Variants in NRTN observed in about 807,000 individuals in gnomAD.
The protein encoded by NRTN is neurturin.
NRTN carries 3 observed loss-of-function variants against 7.5 expected under a neutral mutation model. That is an observed-to-expected ratio of 0.40 (90% confidence interval 0.18 to 1.03). NRTN has a LOEUF of 1.03. Ranked by LOEUF, NRTN falls within the 50% of genes least tolerant of loss-of-function variation. NRTN has a pLI of 0.34. For missense variants in NRTN, 310 were observed against 307.0 expected (o/e 1.01, Z -0.07); for synonymous variants, 157 against 146.6 (o/e 1.07, Z -0.51).
chr19:5,820,608 A>C (rs1267712733), intron 1 of NRTN, among the ~76,000 whole-genome samples: 1 of 150,052 alleles, frequency 6.7e-6, no homozygotes, highest in Non-Finnish European at 1.5e-5. Context: ...ACATTCGTTT[A>C]ATCCCAGCTA....
chr19:5,826,765 C>T (rs1472892904), intron 2 of NRTN, among the ~76,000 whole-genome samples: 1 of 152,206 alleles, frequency 6.6e-6, no homozygotes, highest in Non-Finnish European at 1.5e-5. Flanking sequence ...GGGGGTGGAG[C>T]CACCGCTTGG....
chr19:5,814,811 G>A (rs1256847882), intron 1 of NRTN, among the ~76,000 whole-genome samples: 1 of 145,752 alleles, frequency 6.9e-6, no homozygotes, highest in East Asian at 1.9e-4. Context: ...AAAAGTGGAG[G>A]TCTGTCCTAG....
intron 1 of NRTN, among the ~76,000 whole-genome samples, chr19:5,818,129 A>C (rs769353420): frequency 6.6e-6 from 1 of 151,768 alleles, no homozygotes; most frequent in Non-Finnish European, 1.5e-5. Context: ...ACACCCGGCT[A>C]ATTTTTGTAT....
intron 1 of NRTN, among the ~76,000 whole-genome samples, chr19:5,822,666 G>A (rs1347410381): frequency 6.6e-6 from 1 of 152,152 alleles, no homozygotes; most frequent in Non-Finnish European, 1.5e-5. Context: ...AGGCAGCCAT[G>A]GAAGGCTCCC....
chr19:5,824,010 T>G lies in NRTN; in HGVS notation c.-156T>G, dbSNP rs886804917. On this transcript the variant is annotated 5_prime_UTR_variant, in exon 2 of 3. Transcript: ENST00000303212. ...GCCAACCCCTTCCTTGTTCAATGGT[T>G]CCTTGAGGGACCATTCCCATGTGAT... 2.0e-6 allele frequency: 2 copies of G among 997,388 alleles called. No individual in the cohort carries two copies. Among genetic ancestry groups the G allele is most frequent in the East Asian group, 5.2e-5 (2 of 38,610 alleles). 61.8% of individuals were successfully genotyped at this position (997,388 alleles called of 1,614,324 possible). A position where few individuals can be genotyped will look rare whatever the true frequency, so the allele number is the denominator to read the frequency against.
intron 1 of NRTN, among the ~76,000 whole-genome samples, chr19:5,820,876 A>ACGAG (rs1324756187): frequency 6.6e-6 from 1 of 151,028 alleles, no homozygotes; most frequent in Non-Finnish European, 1.5e-5. Context: ...GAGGCCCTGC[A>ACGAG]CGAGCTGCTT....
intron 1 of NRTN, among the ~76,000 whole-genome samples, chr19:5,816,612 C>T (rs2057005904): frequency 6.6e-6 from 1 of 152,008 alleles, no homozygotes; most frequent in African/African-American, 2.4e-5. Context: ...AAACTCCTGA[C>T]CTCAAATGAT....
At position 5,821,612 on chromosome 19, in the gene NRTN, CTTCT is replaced by C. The variant is rs1052432619; in HGVS notation, c.-398-2153_-398-2150del. ...TGAGCCACTGCACCCGTCAGCCTAG[CTTCT>C]TTGTGTTCATTCATTCATTCATTCA... On this transcript the variant is annotated intron_variant, in intron 1 of 2. Coordinates refer to ENST00000303212, the MANE Select transcript of NRTN (RefSeq NM_004558.5). Among the ~76,000 whole-genome samples the C allele has an allele frequency of 2.3e-4, 20 of 87,150 alleles. 1 individual carries two copies. The highest frequency in any genetic ancestry group is 6.0e-3 in the Middle Eastern group (1 of 168). The allele number at this position is 87,150 out of a possible 152,430, so 57.2% of individuals were successfully genotyped here.
At chr19:5,821,729 T>C (rs906584954) in intron 1 of NRTN, among the ~76,000 whole-genome samples, 1 of 152,106 alleles carries the variant, frequency 6.6e-6, no homozygotes, top group Non-Finnish European at 1.5e-5. Context: ...CCCTGCAAAT[T>C]CACTCTCATC....
chr19:5,816,809 G>A (rs887604165), intron 1 of NRTN, among the ~76,000 whole-genome samples: 1 of 152,322 alleles, frequency 6.6e-6, no homozygotes, highest in Non-Finnish European at 1.5e-5. Flanking sequence ...GAGCCACCTT[G>A]CCCAGCCAGT....
chr19:5,807,291 C>T (rs1001199685), intron 1 of NRTN, among the ~76,000 whole-genome samples: 2 of 152,114 alleles, frequency 1.3e-5, no homozygotes, highest in Non-Finnish European at 2.9e-5. Flanking sequence ...GCTGAATACG[C>T]AGATCAGAGA....
chr19:5,827,587 A>C (rs1417086627), intron 2 of NRTN, among the ~76,000 whole-genome samples, 162 bp from the exon 3 acceptor site: 3 of 152,096 alleles, frequency 2.0e-5, no homozygotes, highest in African/African-American at 7.2e-5. Context: ...GCAGCTCAGC[A>C]AGAGGGTGGG....
chr19:5,823,920 G>A lies in NRTN; in HGVS notation c.-246G>A, dbSNP rs568353803. 1.3e-5 allele frequency: 8 copies of A among 597,542 alleles called. No homozygotes were observed. The highest frequency in any genetic ancestry group is 1.1e-4 in the East Asian group (4 of 35,864). The allele number at this position is 597,542 out of a possible 1,614,324, so 37.0% of individuals were successfully genotyped here. ...TATTCAAGTCTGGACCTTGTCATCG[G>A]CTCCTCAGGAAGGCACTCCGGGACC... On this transcript the variant is annotated 5_prime_UTR_variant, in exon 2 of 3. Coordinates refer to ENST00000303212, the MANE Select transcript of NRTN (RefSeq NM_004558.5).
intron 1 of NRTN, among the ~76,000 whole-genome samples, chr19:5,814,821 G>A (rs943760092): frequency 4.8e-4 from 68 of 142,602 alleles, no homozygotes; most frequent in Non-Finnish European, 9.7e-4. Context: ...GTCTGTCCTA[G>A]GTCCTTCTTG....
intron 1 of NRTN, among the ~76,000 whole-genome samples, chr19:5,818,183 C>G (rs777233374): frequency 6.6e-6 from 1 of 152,086 alleles, no homozygotes. Context: ...AGGTTGGTCT[C>G]GAACTCCTGA....
At chr19:5,819,247 C>G (rs1207737002) in intron 1 of NRTN, among the ~76,000 whole-genome samples, 1 of 150,600 alleles carries the variant, frequency 6.6e-6, no homozygotes, top group Non-Finnish European at 1.5e-5. Context: ...TTACTTGCAG[C>G]CAGGCGCAGT....
At chr19:5,820,738 G>GAAAAAAA (rs869276836) in intron 1 of NRTN, among the ~76,000 whole-genome samples, 3 of 39,064 alleles carry the variant, frequency 7.7e-5, no homozygotes, top group Admixed American at 2.6e-4. Flanking sequence ...TCTGTCTCAA[G>GAAAAAAA]AAAAAAAAAA....
At position 5,827,889 on chromosome 19, in the gene NRTN, G is replaced by A. The variant is rs757114033; in HGVS notation, c.310G>A (p.Gly104Arg). ...ARARLGARPC[G>R]LRELEVRVSE... ...TGCGCGGTTGGGGGCGCGGCCTTGC[G>A]GGCTGCGCGAGCTGGAGGTGCGCGT... The change falls in exon 3 of 3, where the codon GGG becomes AGG. Residue 104 changes from glycine (G) to arginine (R), a missense_variant. By Grantham distance (125) the Gly-to-Arg change is moderately radical. Coordinates refer to ENST00000303212, the MANE Select transcript of NRTN (RefSeq NM_004558.5). 4 of 1,382,994 alleles carry A rather than the reference G, an allele frequency of 2.9e-6. No homozygotes were observed. The highest frequency in any genetic ancestry group is 1.5e-5 in the African/African-American group (1 of 67,122). The allele number at this position is 1,382,994 out of a possible 1,614,324, so 85.7% of individuals were successfully genotyped here.
intron 1 of NRTN, among the ~76,000 whole-genome samples, chr19:5,814,541 G>A (rs530671881): frequency 3.2e-4 from 49 of 152,328 alleles, no homozygotes; most frequent in South Asian, 8.3e-4. Context: ...TGCCCGGCAG[G>A]TGTCCCCTGG....
Sources: allele counts gnomAD v4.1 joint callset (sites outside exome capture counted in the v4.1 genomes callset), GRCh38; gene constraint gnomAD v4.1.1; transcripts MANE v1.5; gene names NCBI Gene and HGNC (gene_info 2026-07-23, HGNC 2026-07-21).